SAMD5: variants seen among roughly 807,000 people sequenced by gnomAD.
SAMD5 encodes the protein sterile alpha motif domain containing 5.
In SAMD5, 13 loss-of-function variants were observed where a neutral mutation model predicts 11.3. That is an observed-to-expected ratio of 1.15 (90% CI 0.75 to 1.83). The LOEUF (loss-of-function observed/expected upper bound fraction) is 1.83, where lower values mean the gene tolerates loss of function less well. SAMD5 is among the 40% of genes most tolerant of loss of function. SAMD5 has a pLI of 0.00. For synonymous variants in SAMD5, 129 were observed against 111.3 expected, an observed-to-expected ratio of 1.16 and a Z score of -1.00; for missense variants, 255 against 239.1, an observed-to-expected ratio of 1.07 and a Z score of -0.44.
chr6:147,750,955 T>C, the SAMD5 span, among the ~76,000 whole-genome samples: 1 of 152,070 alleles, frequency 6.6e-6, no homozygotes, highest in South Asian at 2.1e-4. Context: ...ACACTATGGA[T>C]GGCTGGACTC....
intron 1 of SAMD5, among the ~76,000 whole-genome samples, chr6:147,725,031 GATCCCTATTT>G (rs1791606316): frequency 6.6e-6 from 1 of 152,086 alleles, no homozygotes; most frequent in East Asian, 1.9e-4. Context: ...GCATAAACTT[GATCCCTATTT>G]ATTTTCCATC....
intron 1 of SAMD5, among the ~76,000 whole-genome samples, chr6:147,585,615 A>G (rs1351603963): frequency 1.3e-5 from 2 of 152,126 alleles, no homozygotes; most frequent in Non-Finnish European, 2.9e-5. Context: ...TCATGGCCTG[A>G]GAGAAAAGTG....
chr6:147,743,423 A>T, the SAMD5 span: 2 of 152,232 alleles, frequency 1.3e-5, no homozygotes, highest in Non-Finnish European at 2.9e-5. Context: ...GAATGGCGTG[A>T]ACCCGGAAGG....
At chr6:147,605,976 T>C (rs138898166) in intron 1 of SAMD5, among the ~76,000 whole-genome samples, 112 of 152,142 alleles carry the variant, frequency 7.4e-4, no homozygotes, top group African/African-American at 2.6e-3. Flanking sequence ...ATACAGCAGA[T>C]ATTTGATGAA....
chr6:147,806,483 G>A, the SAMD5 span, among the ~76,000 whole-genome samples: 1 of 152,114 alleles, frequency 6.6e-6, no homozygotes. Flanking sequence ...TCATTGCCAC[G>A]GTTTTTGGAA....
chr6:147,567,285 G>T lies in SAMD5; in HGVS notation c.*2829G>T, dbSNP rs975805895. ...AACAAAGGATAGTAGTTTCTCAACTGGGAGCATACGAGCAATTTCTCAGTT... is the reference window on the plus strand; with the variant it reads ...AACAAAGGATAGTAGTTTCTCAACTTGGAGCATACGAGCAATTTCTCAGTT... On this transcript the variant is annotated 3_prime_UTR_variant, in exon 2 of 2. Coordinates refer to ENST00000367474, the MANE Select transcript of SAMD5 (RefSeq NM_001030060.3). 3.0e-6 allele frequency: 3 copies of T among 985,248 alleles called. No individual in the cohort carries two copies. Among genetic ancestry groups the T allele is most frequent in the East Asian group, 1.1e-4 (1 of 8,814 alleles). The allele number at this position is 985,248 out of a possible 1,614,324, so 61.0% of individuals were successfully genotyped here. A position where few individuals can be genotyped will look rare whatever the true frequency, so the allele number is the denominator to read the frequency against.
At chr6:147,579,177 G>A (rs1027724880) in intron 1 of SAMD5, among the ~76,000 whole-genome samples, 1 of 152,238 alleles carries the variant, frequency 6.6e-6, no homozygotes, top group Non-Finnish European at 1.5e-5. Context: ...AGTAAGAGGA[G>A]ATAGCCATGC....
At chr6:147,806,378 C>T in the SAMD5 span, among the ~76,000 whole-genome samples, 1 of 152,178 alleles carries the variant, frequency 6.6e-6, no homozygotes, top group African/African-American at 2.4e-5. Flanking sequence ...CTCCCTCAAG[C>T]CTTATCTTTG....
At chr6:147,834,258 TA>T in the SAMD5 span, among the ~76,000 whole-genome samples, 1 of 144,032 alleles carries the variant, frequency 6.9e-6, no homozygotes, top group Non-Finnish European at 1.5e-5. Context: ...ATATACACTG[TA>T]AAGCCTCCTT....
At chr6:147,771,872 T>C in the SAMD5 span, among the ~76,000 whole-genome samples, 2 of 152,282 alleles carry the variant, frequency 1.3e-5, no homozygotes, top group East Asian at 3.9e-4. Context: ...ATTTGCCTAA[T>C]CCCAAACCCT....
chr6:147,651,055 T>G (rs1262081392), intron 1 of SAMD5, among the ~76,000 whole-genome samples: 2 of 152,234 alleles, frequency 1.3e-5, no homozygotes. Flanking sequence ...TGAAATGTAT[T>G]CATCCCCACC....
At chr6:147,744,921 A>ATAAATAAATAAATAAATAAG in the SAMD5 span, among the ~76,000 whole-genome samples, 1,032 of 142,588 alleles carry the variant, frequency 7.2e-3, 13 homozygotes, top group Non-Finnish European at 8.5e-3. Context: ...AAATAAATAA[A>ATAAATAAATAAATAAATAAG]TAAGTAAGTA....
intron 1 of SAMD5, among the ~76,000 whole-genome samples, chr6:147,586,614 C>T (rs947441677): frequency 4.0e-5 from 6 of 151,788 alleles, no homozygotes; most frequent in Non-Finnish European, 8.8e-5. Flanking sequence ...TTTTTAATCA[C>T]TATTTCTTCA....
chr6:147,827,078 A>G, the SAMD5 span, among the ~76,000 whole-genome samples: 1 of 152,248 alleles, frequency 6.6e-6, no homozygotes, highest in African/African-American at 2.4e-5. Context: ...GGAAAGGAAT[A>G]TAGGAAAATG....
chr6:147,856,834 A>C, the SAMD5 span, among the ~76,000 whole-genome samples: 3 of 139,540 alleles, frequency 2.1e-5, no homozygotes, highest in African/African-American at 5.6e-5. Flanking sequence ...GGGGGGGGGG[A>C]AGCTTGTGTT....
At chr6:147,924,961 G>A in the SAMD5 span, among the ~76,000 whole-genome samples, 1 of 152,054 alleles carries the variant, frequency 6.6e-6, no homozygotes, top group Non-Finnish European at 1.5e-5. Flanking sequence ...GAGAGGCTAA[G>A]TTTAATGTCT....
chr6:147,857,530 T>A, the SAMD5 span, among the ~76,000 whole-genome samples: 2 of 151,710 alleles, frequency 1.3e-5, no homozygotes, highest in African/African-American at 4.9e-5. Context: ...AATTATATAA[T>A]GATAATAATG....
At chr6:147,775,857 T>C in the SAMD5 span, among the ~76,000 whole-genome samples, 1 of 152,330 alleles carries the variant, frequency 6.6e-6, no homozygotes, top group African/African-American at 2.4e-5. Context: ...CTCTCAGCCT[T>C]GGTTGCCTTC....
the SAMD5 span, among the ~76,000 whole-genome samples, chr6:147,858,970 G>A: frequency 6.6e-6 from 1 of 152,192 alleles, no homozygotes; most frequent in Non-Finnish European, 1.5e-5. Flanking sequence ...ATATTAGTAT[G>A]TAGATATATA....
Sources: gnomAD v4.1 joint callset for allele counts (sites outside exome capture counted in the v4.1 genomes callset) on GRCh38, gnomAD v4.1.1 for gene constraint, MANE v1.5 for transcripts, NCBI Gene and HGNC (gene_info 2026-07-23, HGNC 2026-07-21) for gene names.